The following KIAA1328 variants were observed in gnomAD, a reference collection of about 807,000 sequenced individuals.
KIAA1328 encodes the protein protein hinderin.
Under a neutral mutation model 68.1 loss-of-function variants are expected in KIAA1328, and 52 were observed. The observed-to-expected ratio is 0.76, with a 90% CI of 0.61 to 0.96. The LOEUF is 0.96. KIAA1328 is among the 40% of genes least tolerant of loss of function. The pLI is 0.00. For missense variants in KIAA1328, 641 were observed against 677.6 expected (o/e 0.95, Z 0.60); for synonymous variants, 232 against 239.4 (o/e 0.97, Z 0.28).
At chr18:36,934,927 G>A (rs2050446560) in intron 5 of KIAA1328, among the ~76,000 whole-genome samples, 1 of 152,108 alleles carries the variant, frequency 6.6e-6, no homozygotes, top group African/African-American at 2.4e-5. Flanking sequence ...GTCCAAGTTA[G>A]GTCTCAAAGG....
At chr18:36,951,357 A>G (rs1332972841) in intron 5 of KIAA1328, among the ~76,000 whole-genome samples, 1 of 152,164 alleles carries the variant, frequency 6.6e-6, no homozygotes, top group Non-Finnish European at 1.5e-5. Context: ...TACTCATTAT[A>G]TTTATTATTC....
chr18:36,830,355 G>C (rs767041159), intron 1 of KIAA1328, among the ~76,000 whole-genome samples: 3 of 152,220 alleles, frequency 2.0e-5, no homozygotes, highest in Non-Finnish European at 4.4e-5. Context: ...GTGGATGAAA[G>C]CATACTAGTG....
intron 4 of KIAA1328, among the ~76,000 whole-genome samples, chr18:36,860,591 A>G (rs1460244126): frequency 6.6e-6 from 1 of 152,152 alleles, no homozygotes; most frequent in Admixed American, 6.5e-5. Flanking sequence ...AGAACACATG[A>G]GCCACATTTT....
At chr18:36,936,050 T>C (rs867805590) in intron 5 of KIAA1328, among the ~76,000 whole-genome samples, 31 of 152,326 alleles carry the variant, frequency 2.0e-4, no homozygotes, top group Admixed American at 1.5e-3. Context: ...AACTCTGCAG[T>C]TTTAAAAAAT....
intron 8 of KIAA1328, among the ~76,000 whole-genome samples, chr18:37,171,916 A>G (rs900063206): frequency 2.0e-5 from 3 of 152,212 alleles, no homozygotes; most frequent in Admixed American, 1.3e-4. Context: ...TCAATAAACA[A>G]ACGAACAAAC....
chr18:36,980,951 T>C (rs2052658625), intron 6 of KIAA1328, among the ~76,000 whole-genome samples: 1 of 152,222 alleles, frequency 6.6e-6, no homozygotes, highest in Admixed American at 6.5e-5. Flanking sequence ...TTTAAACTTC[T>C]TACTTTTGTG....
chr18:37,015,340 C>T (rs1024937722), intron 6 of KIAA1328, among the ~76,000 whole-genome samples: 2 of 152,102 alleles, frequency 1.3e-5, no homozygotes, highest in African/African-American at 4.8e-5. Flanking sequence ...GTTTTCTATT[C>T]TGTTCCATTG....
At chr18:36,830,188 A>G (rs563517990) in intron 1 of KIAA1328, among the ~76,000 whole-genome samples, 1 of 151,944 alleles carries the variant, frequency 6.6e-6, no homozygotes, top group East Asian at 1.9e-4. Flanking sequence ...TGTGTTATCA[A>G]CTCCTTTGTT....
intron 5 of KIAA1328, among the ~76,000 whole-genome samples, chr18:36,913,735 A>G (rs2049568279): frequency 2.0e-5 from 3 of 152,192 alleles, no homozygotes; most frequent in Non-Finnish European, 4.4e-5. Flanking sequence ...ATAGTTTACA[A>G]TGGCATGTGT....
chr18:37,040,317 T>C (rs1239666789), intron 6 of KIAA1328, among the ~76,000 whole-genome samples: 1 of 152,228 alleles, frequency 6.6e-6, no homozygotes, highest in Non-Finnish European at 1.5e-5. Context: ...TTCAGTAACT[T>C]ACCTTCTATT....
At chr18:36,868,366 T>A (rs986531472) in intron 4 of KIAA1328, among the ~76,000 whole-genome samples, 1 of 152,228 alleles carries the variant, frequency 6.6e-6, no homozygotes, top group Non-Finnish European at 1.5e-5. Flanking sequence ...ATTGCAAAAT[T>A]AAGTGACCTC....
intron 6 of KIAA1328, among the ~76,000 whole-genome samples, chr18:37,019,596 G>A (rs2054270179): frequency 6.6e-6 from 1 of 152,200 alleles, no homozygotes; most frequent in African/African-American, 2.4e-5. Flanking sequence ...AAACCTCCTT[G>A]GCTCCAAGTT....
intron 9 of KIAA1328, among the ~76,000 whole-genome samples, chr18:37,184,198 C>T (rs1226166718): frequency 6.6e-6 from 1 of 152,176 alleles, no homozygotes; most frequent in African/African-American, 2.4e-5. Flanking sequence ...AAATCCATTG[C>T]TTCTGCCCAG....
chr18:36,855,042 A>T (rs528891109), intron 4 of KIAA1328, among the ~76,000 whole-genome samples: 1 of 152,192 alleles, frequency 6.6e-6, no homozygotes, highest in African/African-American at 2.4e-5. Flanking sequence ...CAATTTATTG[A>T]TTTATTCATC....
At chr18:37,071,770 T>C (rs1297476059) in intron 7 of KIAA1328, among the ~76,000 whole-genome samples, 1 of 152,210 alleles carries the variant, frequency 6.6e-6, no homozygotes, top group African/African-American at 2.4e-5. Flanking sequence ...CTAAGTATTC[T>C]GTTAAACACA....
intron 6 of KIAA1328, among the ~76,000 whole-genome samples, chr18:37,048,242 A>G (rs2055554450): frequency 6.6e-6 from 1 of 152,226 alleles, no homozygotes; most frequent in Admixed American, 6.5e-5. Context: ...TTGGATAACG[A>G]CATTAACTGA....
At chr18:37,031,197 T>A (rs999915720) in intron 6 of KIAA1328, among the ~76,000 whole-genome samples, 7 of 152,158 alleles carry the variant, frequency 4.6e-5, no homozygotes, top group African/African-American at 1.4e-4. Context: ...GGTATATACC[T>A]TTATAGTGTT....
At chr18:37,120,350 G>A (rs1462856564) in intron 7 of KIAA1328, among the ~76,000 whole-genome samples, 1 of 151,846 alleles carries the variant, frequency 6.6e-6, no homozygotes. Context: ...CAGGTGTTTT[G>A]TCATTTATTT....
At chr18:37,076,844 A>G (rs867504230) in intron 7 of KIAA1328, among the ~76,000 whole-genome samples, 8 of 152,250 alleles carry the variant, frequency 5.3e-5, no homozygotes, top group Middle Eastern at 6.8e-3. Context: ...AATAATCAAT[A>G]GCTTACCAAC....
Sources: allele counts gnomAD v4.1 joint callset (sites outside exome capture counted in the v4.1 genomes callset), GRCh38; gene constraint gnomAD v4.1.1; transcripts MANE v1.5; gene names NCBI Gene and HGNC (gene_info 2026-07-23, HGNC 2026-07-21).